Variants in VWCE observed in about 807,000 individuals in gnomAD.
VWCE encodes von Willebrand factor C and EGF domain-containing protein.
VWCE carries 68 observed loss-of-function variants against 102.9 expected under a neutral mutation model. The observed-to-expected ratio is 0.66, with a 90% confidence interval of 0.54 to 0.81. The LOEUF (loss-of-function observed/expected upper bound fraction) is 0.81. Among genes scored for constraint, VWCE ranks in the 30% least tolerant of loss-of-function variants. The pLI is 0.00. For missense variants in VWCE, 1,137 were observed against 1,263.6 expected (o/e 0.90, Z 1.52); for synonymous variants, 497 against 515.4 (o/e 0.96, Z 0.48).
chr11:61,275,742 C>T (rs1854883437), intron 11 of VWCE, among the ~76,000 whole-genome samples: 1 of 152,262 alleles, frequency 6.6e-6, no homozygotes, highest in Non-Finnish European at 1.5e-5. Flanking sequence ...GCAAGGGGCA[C>T]AGAGTCAGCA....
intron 12 of VWCE, chr11:61,273,639 G>GC: frequency 3.3e-6 from 1 of 304,970 alleles, no homozygotes; most frequent in South Asian, 5.6e-5. Flanking sequence ...TTCACTGAGT[G>GC]CAAAGCCCTC....
chr11:61,286,306 C>T lies in VWCE; in HGVS notation c.541+8G>A, dbSNP rs528668530. ...TCCCAGAGCAGCCATTCCTTCTCTG[C>T]AGCTCACCTTGGCAGCTGTGGCGGT... On this transcript the variant is annotated splice_region_variant and intron_variant, in intron 5 of 19. Transcript: ENST00000335613. 6.2e-7 allele frequency: 1 copy of T among 1,605,470 alleles called. No homozygotes were observed.
intron 1 of VWCE, among the ~76,000 whole-genome samples, chr11:61,293,177 G>T (rs1361281963): frequency 6.8e-6 from 1 of 147,454 alleles, no homozygotes; most frequent in Non-Finnish European, 1.5e-5. Flanking sequence ...GGAGGCGGAG[G>T]TTGCGGTGAG....
At position 61,271,767 on chromosome 11, in the gene VWCE, G is replaced by A. The variant is rs1292417642; in HGVS notation, c.1700-7C>T. ...TTGTCGTCAAGAGAGCAGCCTGGAT[G>A]AGGACAATGGCAGAGAAAAGACGGC... On this transcript the variant is annotated splice_polypyrimidine_tract_variant and splice_region_variant and intron_variant, in intron 13 of 19. Coordinates refer to ENST00000335613, the MANE Select transcript of VWCE (RefSeq NM_152718.2). 2 of 1,612,642 alleles carry A rather than the reference G, an allele frequency of 1.2e-6. No homozygotes were observed. Among genetic ancestry groups the A allele is most frequent in the Non-Finnish European group, 1.7e-6 (2 of 1,179,330 alleles).
chr11:61,269,742 G>A (rs935206394), intron 14 of VWCE, among the ~76,000 whole-genome samples: 7 of 151,398 alleles, frequency 4.6e-5, no homozygotes, highest in Non-Finnish European at 1.0e-4. Flanking sequence ...CACCGCAACC[G>A]GCCTCTTTTT....
intron 11 of VWCE, 79 bp downstream of exon 11, chr11:61,276,514 C>T: frequency 8.9e-7 from 1 of 1,125,098 alleles, no homozygotes. Flanking sequence ...GGCTCAACAC[C>T]AGCCTGGGCA....
Position 61,280,906 on chromosome 11 carries a change from C to T in VWCE, c.1117G>A (p.Gly373Ser). The change falls in exon 8 of 20, where the codon GGC becomes AGC. Residue 373 changes from glycine to serine, a missense_variant. Around this residue, in one of 5 missense-constraint regions of VWCE, gnomAD observed 575 missense variants for 625.9 expected, o/e 0.92. Coordinates refer to ENST00000335613, the MANE Select transcript of VWCE (RefSeq NM_152718.2). ...GCTGCCAGTCGGGGGGACTCAGGGC[C>T]CCTGGGTGAGGAAGGGGTCCCCATC... ...EVMGTPSSPR[G>S]PESPRLAAGP... The T allele has an allele frequency of 6.5e-7, 1 of 1,528,920 alleles. No homozygotes were observed. The highest frequency in any genetic ancestry group is 8.8e-7 in the Non-Finnish European group (1 of 1,140,748). 94.7% of individuals were successfully genotyped at this position (1,528,920 alleles called of 1,614,324 possible). A position where few individuals can be genotyped will look rare whatever the true frequency, so the allele number is the denominator to read the frequency against.
chr11:61,271,358 G>C (rs1854691429), intron 14 of VWCE: 1 of 275,382 alleles, frequency 3.6e-6, no homozygotes, highest in Non-Finnish European at 7.3e-6. Context: ...TGTTAGCCAG[G>C]ATGGTCTCGA....
rs1280216842 is a variant in VWCE, at chr11:61,294,658, C to A, written c.110+270G>T. ...CTCTCCAGAGGTCCGCGCTCCAGGG[C>A]ACATTAGGAGTCACCCAACGCCTGG... On this transcript the variant is annotated intron_variant, in intron 1 of 19. Transcript: ENST00000335613. This position sits in a 1 kb window ranked among gnomAD's most constrained non-coding sequence, Gnocchi z 6.3. Among the ~76,000 whole-genome samples the A allele has an allele frequency of 6.6e-6, 1 of 152,144 alleles. No individual in the cohort carries two copies. Among genetic ancestry groups the A allele is most frequent in the Admixed American group, 6.5e-5 (1 of 15,290 alleles).
rs187172416 is a variant in VWCE, at chr11:61,267,418, G to T, written c.1965+44C>A. 6.9e-5 allele frequency: 110 copies of T among 1,582,948 alleles called. 1 individual carries two copies. In the East Asian group the frequency reaches 1.2e-3, roughly 18 times the overall value. On this transcript the variant is annotated intron_variant, in intron 16 of 19. Coordinates refer to ENST00000335613, the MANE Select transcript of VWCE (RefSeq NM_152718.2). ...GGATTCAGGAGCCGATGTCAGTTGT[G>T]GGGGAGTTTCCAGGGGCGGGAGTCA...
At chr11:61,292,779 C>T (rs1209358660) in intron 1 of VWCE, among the ~76,000 whole-genome samples, 2 of 152,130 alleles carry the variant, frequency 1.3e-5, no homozygotes, top group African/African-American at 4.8e-5. Context: ...ACAAATGCCA[C>T]AGTGGGACAG....
At chr11:61,268,413 G>C (rs760959115) in intron 15 of VWCE, among the ~76,000 whole-genome samples, 1 of 152,246 alleles carries the variant, frequency 6.6e-6, no homozygotes, top group Non-Finnish European at 1.5e-5. Context: ...AATTAGCCAG[G>C]CATGGTGGTG....
At position 61,295,054 on chromosome 11, in the gene VWCE, TCC is replaced by T; in HGVS notation, c.-19_-18del. The T allele has an allele frequency of 7.4e-7, 1 of 1,347,400 alleles. No individual in the cohort carries two copies. Among genetic ancestry groups the T allele is most frequent in the Non-Finnish European group, 9.6e-7 (1 of 1,046,226 alleles). 83.5% of individuals were successfully genotyped at this position (1,347,400 alleles called of 1,614,324 possible). A position where few individuals can be genotyped will look rare whatever the true frequency, so the allele number is the denominator to read the frequency against. On this transcript the variant is annotated 5_prime_UTR_variant, in exon 1 of 20. Transcript: ENST00000335613. The surrounding 1 kb of genome is among the most constrained non-coding windows in gnomAD (Gnocchi z 4.6). ...GGCCCACATGACCGGCGGCGGCGGGTCCCCCGGGCTGGGCTCGGCTCCTGCGC... is the reference window on the plus strand; with the variant it reads ...GGCCCACATGACCGGCGGCGGCGGGTCCCGGGCTGGGCTCGGCTCCTGCGC...
Position 61,282,719 on chromosome 11 carries a change from C to T in VWCE, c.658+70G>A. 3 of 1,284,300 alleles carry T rather than the reference C, an allele frequency of 2.3e-6. No homozygotes were observed. The South Asian group carries it at 3.7e-5, about 16-fold the overall frequency. The allele number at this position is 1,284,300 out of a possible 1,614,324, so 79.6% of individuals were successfully genotyped here. A position where few individuals can be genotyped will look rare whatever the true frequency, so the allele number is the denominator to read the frequency against. On this transcript the variant is annotated intron_variant, in intron 6 of 19. Coordinates refer to ENST00000335613, the MANE Select transcript of VWCE (RefSeq NM_152718.2). The stretch of plus-strand genomic sequence containing the variant: ...GTCTAATTGTTAACCTTCCCGGGTC[C>T]CTGGGCTCCCTGTCCATCCTCCTGA...
At chr11:61,274,325 T>A (rs1854836362) in intron 12 of VWCE, among the ~76,000 whole-genome samples, 174 bp downstream of exon 12, 1 of 152,122 alleles carries the variant, frequency 6.6e-6, no homozygotes, top group Non-Finnish European at 1.5e-5. Context: ...AAAGATGAAG[T>A]TCAAAGAGAC....
At chr11:61,288,931 C>T (rs544157170) in intron 4 of VWCE, among the ~76,000 whole-genome samples, 3 of 151,180 alleles carry the variant, frequency 2.0e-5, no homozygotes, top group South Asian at 4.2e-4. Context: ...CTCCGCCTCC[C>T]GGGTTCAAGC....
chr11:61,263,819 T>A (rs1239809779), intron 19 of VWCE, among the ~76,000 whole-genome samples: 1 of 152,120 alleles, frequency 6.6e-6, no homozygotes, highest in African/African-American at 2.4e-5. Flanking sequence ...ACACCGTGGG[T>A]GCTCAACACA....
chr11:61,280,204 TACTCCTCCGCCTGTAGGAGGGTA>T (rs1400786169), intron 9 of VWCE, among the ~76,000 whole-genome samples: 1 of 152,048 alleles, frequency 6.6e-6, no homozygotes, highest in African/African-American at 2.4e-5. Context: ...TAGAAACAAC[TACTCCTCCGCCTGTAGGAGGGTA>T]ACTGGGCAGG....
At chr11:61,277,855 T>C (rs1854974185) in intron 10 of VWCE, among the ~76,000 whole-genome samples, 1 of 152,092 alleles carries the variant, frequency 6.6e-6, no homozygotes, top group South Asian at 2.1e-4. Context: ...CTTTTTTTTT[T>C]TAAGACAGAG....
Sources: gnomAD v4.1 joint callset for allele counts (sites outside exome capture counted in the v4.1 genomes callset) on GRCh38, gnomAD v4.1.1 for gene constraint, gnomAD v4.1.1 regional missense constraint, Gnocchi (gnomAD v3.1) non-coding constraint, MANE v1.5 for transcripts, NCBI Gene and HGNC (gene_info 2026-07-23, HGNC 2026-07-21) for gene names.